Variants in FBXO36 observed in about 807,000 individuals in gnomAD.
The protein encoded by FBXO36 is F-box only protein 36.
A neutral mutation model predicts 17.0 loss-of-function variants in FBXO36; 18 were observed. The ratio of observed to expected loss-of-function variants is 1.06; its 90% CI spans 0.73 to 1.57. FBXO36 has a LOEUF of 1.57. Among genes scored for constraint, FBXO36 ranks in the 40% most tolerant of loss-of-function variants. The pLI, the probability that FBXO36 is intolerant of heterozygous loss-of-function variation, is 0.00. For missense variants in FBXO36, 229 were observed against 221.9 expected, an observed-to-expected ratio of 1.03 and a Z score of -0.20; for synonymous variants, 83 against 85.3, an observed-to-expected ratio of 0.97 and a Z score of 0.15.
chr2:229,970,242 G>A lies in FBXO36; in HGVS notation c.97-5999G>A, dbSNP rs138331751. Among the ~76,000 whole-genome samples, 343 of 152,238 alleles carry A rather than the reference G, an allele frequency of 2.3e-3. 3 individuals are homozygous for A. The highest frequency in any genetic ancestry group is 8.0e-3 in the African/African-American group (334 of 41,546). ...GTTTATAAAAACTTTATTTGGGGCC[G>A]GGTGCAGTGGCTCACACCTGTAATA... On this transcript the variant is annotated intron_variant, in intron 1 of 3. Coordinates refer to ENST00000283946, the MANE Select transcript of FBXO36 (RefSeq NM_174899.5).
chr2:229,935,445 G>A (rs560597035), intron 1 of FBXO36, among the ~76,000 whole-genome samples: 4 of 152,198 alleles, frequency 2.6e-5, no homozygotes, highest in East Asian at 1.9e-4. Flanking sequence ...CCTGGGAGGT[G>A]GAGGTTGCAG....
chr2:229,960,794 G>A (rs2077116700), intron 1 of FBXO36, among the ~76,000 whole-genome samples: 1 of 152,160 alleles, frequency 6.6e-6, no homozygotes, highest in South Asian at 2.1e-4. Flanking sequence ...TTTGAGTGTC[G>A]TTGGAGGTAG....
chr2:230,004,729 AC>A (rs1660798477), intron 3 of FBXO36, among the ~76,000 whole-genome samples: 1 of 152,044 alleles, frequency 6.6e-6, no homozygotes, highest in Non-Finnish European at 1.5e-5. Context: ...AGTACTGGCC[AC>A]GCATGGTGGC....
intron 3 of FBXO36, among the ~76,000 whole-genome samples, chr2:230,004,386 T>G (rs1410529995): frequency 6.6e-6 from 1 of 152,212 alleles, no homozygotes; most frequent in Admixed American, 6.5e-5. Context: ...TTTGTTTATA[T>G]TTTTGAAAAA....
intron 1 of FBXO36, among the ~76,000 whole-genome samples, chr2:229,929,427 G>A (rs112364880): frequency 1.4e-3 from 213 of 152,106 alleles, no homozygotes; most frequent in African/African-American, 4.7e-3. Flanking sequence ...TTAGCCAGGC[G>A]TGGGAGCGGG....
intron 1 of FBXO36, among the ~76,000 whole-genome samples, chr2:229,968,636 T>C (rs2077165680): frequency 6.6e-6 from 1 of 151,990 alleles, no homozygotes; most frequent in Non-Finnish European, 1.5e-5. Flanking sequence ...CCTGGCTAAT[T>C]TTTGTATTTT....
chr2:229,995,115 A>G (rs1304954615), intron 2 of FBXO36, among the ~76,000 whole-genome samples: 1 of 151,092 alleles, frequency 6.6e-6, no homozygotes, highest in Non-Finnish European at 1.5e-5. Flanking sequence ...CTCTGTCTCA[A>G]AAAAAAAAGA....
At chr2:229,939,549 TG>T (rs1254025387) in intron 1 of FBXO36, among the ~76,000 whole-genome samples, 13 of 151,756 alleles carry the variant, frequency 8.6e-5, no homozygotes, top group Admixed American at 7.2e-4. Context: ...AAGTGGAAGT[TG>T]GAGTGAGCTG....
intron 1 of FBXO36, among the ~76,000 whole-genome samples, chr2:229,935,682 C>T (rs1459872934): frequency 6.6e-6 from 1 of 152,110 alleles, no homozygotes; most frequent in Non-Finnish European, 1.5e-5. Context: ...CCTGTCCTTA[C>T]ATTAGTGGAT....
chr2:229,988,921 A>G (rs188647424), intron 2 of FBXO36, among the ~76,000 whole-genome samples: 81 of 150,686 alleles, frequency 5.4e-4, no homozygotes, highest in African/African-American at 1.7e-3. Context: ...TACTATATAC[A>G]TATCATATAT....
intron 1 of FBXO36, among the ~76,000 whole-genome samples, chr2:229,942,158 G>A (rs553822106): frequency 6.6e-6 from 1 of 152,152 alleles, no homozygotes; most frequent in Non-Finnish European, 1.5e-5. Context: ...AGGTGGAATA[G>A]GGCTGGGCCT....
chr2:229,977,681 C>T (rs1052912974), intron 2 of FBXO36, among the ~76,000 whole-genome samples: 2 of 152,100 alleles, frequency 1.3e-5, no homozygotes, highest in South Asian at 4.2e-4. Flanking sequence ...AACTCCTGAC[C>T]TCAGGTGATC....
intron 1 of FBXO36, among the ~76,000 whole-genome samples, chr2:229,933,992 T>G (rs2076951843): frequency 1.3e-5 from 2 of 149,806 alleles, no homozygotes. Context: ...AGCCCCCCTT[T>G]AAAAAAAAAT....
intron 1 of FBXO36, among the ~76,000 whole-genome samples, chr2:229,954,897 T>C (rs1281284912): frequency 6.6e-6 from 1 of 151,128 alleles, no homozygotes; most frequent in African/African-American, 2.4e-5. Flanking sequence ...TTGCCCAGGC[T>C]GGAGTACAGT....
At chr2:229,974,890 A>G (rs2077199378) in intron 1 of FBXO36, among the ~76,000 whole-genome samples, 1 of 152,134 alleles carries the variant, frequency 6.6e-6, no homozygotes, top group Non-Finnish European at 1.5e-5. Context: ...TCTAATGTTG[A>G]AGCTGTAGCC....
At chr2:229,968,422 A>G (rs2077164529) in intron 1 of FBXO36, among the ~76,000 whole-genome samples, 3 of 152,176 alleles carry the variant, frequency 2.0e-5, no homozygotes, top group East Asian at 1.9e-4. Flanking sequence ...TCTTAAACAT[A>G]TAAAGACACA....
At chr2:229,999,124 ATTTT>A (rs1178050342) in intron 3 of FBXO36, among the ~76,000 whole-genome samples, 1 of 107,994 alleles carries the variant, frequency 9.3e-6, no homozygotes, top group Non-Finnish European at 1.9e-5. Context: ...AAGTAATGTA[ATTTT>A]TTTTTTTTTT....
rs547031145 is a variant in FBXO36, at chr2:229,988,840, T to G, written c.206-7911T>G. 9.5e-3 allele frequency among the ~76,000 whole-genome samples: 1,404 copies of G among 147,202 alleles called. 13 individuals carry two copies. The highest frequency in any genetic ancestry group is 0.031 in the African/African-American group (1,237 of 40,406). ...ACCATGCTGGCCTGTTTTTTTTTTTTTTTGTTTTTTTTTTTTTACCGCATA... is the reference window on the plus strand; with the variant it reads ...ACCATGCTGGCCTGTTTTTTTTTTTGTTTGTTTTTTTTTTTTTACCGCATA... On this transcript the variant is annotated intron_variant, in intron 2 of 3. Coordinates refer to ENST00000283946, the MANE Select transcript of FBXO36 (RefSeq NM_174899.5).
intron 1 of FBXO36, among the ~76,000 whole-genome samples, chr2:229,965,424 T>G (rs2077146875): frequency 6.6e-6 from 1 of 151,836 alleles, no homozygotes; most frequent in South Asian, 2.1e-4. Context: ...GTGTACAACA[T>G]GCAGGTTTGT....
Sources: allele counts gnomAD v4.1 joint callset (sites outside exome capture counted in the v4.1 genomes callset), GRCh38; gene constraint gnomAD v4.1.1; transcripts MANE v1.5; gene names NCBI Gene and HGNC (gene_info 2026-07-23, HGNC 2026-07-21).